FBXL13: variants seen among roughly 807,000 people sequenced by gnomAD.
The protein encoded by FBXL13 is F-box and leucine-rich repeat protein 13.
Under a neutral mutation model 83.6 loss-of-function variants are expected in FBXL13, and 67 were observed. That is an observed-to-expected ratio of 0.80 (90% CI 0.66 to 0.98). The LOEUF is 0.98. FBXL13 is among the 50% of genes least tolerant of loss of function. FBXL13 has a pLI of 0.00. For missense variants in FBXL13, 822 were observed against 866.5 expected, an observed-to-expected ratio of 0.95 and a Z score of 0.64; for synonymous variants, 272 against 299.5, an observed-to-expected ratio of 0.91 and a Z score of 0.95.
At chr7:102,973,237 C>A in intron 6 of FBXL13, 1 of 285,688 alleles carries the variant, frequency 3.5e-6, no homozygotes, top group Non-Finnish European at 6.6e-6. Context: ...CGCCCGAAAG[C>A]TTGAAGGAAT....
At chr7:102,905,984 G>C (rs1352081748) in intron 11 of FBXL13, among the ~76,000 whole-genome samples, 1 of 152,134 alleles carries the variant, frequency 6.6e-6, no homozygotes, top group Non-Finnish European at 1.5e-5. Context: ...GGTTTAATTG[G>C]ACTTACAGTT....
intron 10 of FBXL13, among the ~76,000 whole-genome samples, chr7:102,918,651 A>G (rs1010896304): frequency 1.3e-5 from 2 of 152,156 alleles, no homozygotes; most frequent in African/African-American, 4.8e-5. Context: ...TCTTGTCTCT[A>G]CAAAAGATTT....
chr7:102,995,435 C>T (rs138376160), intron 6 of FBXL13, among the ~76,000 whole-genome samples: 7,819 of 134,414 alleles, frequency 0.058, 279 homozygotes, highest in Middle Eastern at 0.16. Flanking sequence ...GAGCTGAGAT[C>T]GCACCACTGC....
intron 11 of FBXL13, 171 bp downstream of exon 12, chr7:102,912,914 TA>T: frequency 1.3e-6 from 1 of 782,712 alleles, no homozygotes; most frequent in South Asian, 2.0e-5. Flanking sequence ...GCCAAGAGCC[TA>T]TAATAGCGAT....
chr7:102,816,618 T>TA (rs1469360563), intron 19 of FBXL13, among the ~76,000 whole-genome samples: 6 of 151,974 alleles, frequency 3.9e-5, no homozygotes, highest in Admixed American at 6.6e-5. Context: ...CACGCACCTT[T>TA]AAAAAAAAAT....
intron 18 of FBXL13, among the ~76,000 whole-genome samples, chr7:102,827,758 T>C (rs1799994020): frequency 6.6e-6 from 1 of 152,100 alleles, no homozygotes; most frequent in African/African-American, 2.4e-5. Flanking sequence ...TTCCCACCTA[T>C]GAGTGAGAAC....
chr7:102,841,814 T>C (rs1195619264), intron 17 of FBXL13, among the ~76,000 whole-genome samples: 4 of 152,178 alleles, frequency 2.6e-5, no homozygotes, highest in Non-Finnish European at 5.9e-5. Flanking sequence ...CAGGAGTATG[T>C]TGTTCTATTA....
At chr7:102,894,681 A>G (rs902995623) in intron 11 of FBXL13, among the ~76,000 whole-genome samples, 1 of 151,338 alleles carries the variant, frequency 6.6e-6, no homozygotes, top group Non-Finnish European at 1.5e-5. Context: ...GTGAGCTATG[A>G]TCACACCACT....
At chr7:102,950,831 G>A (rs1039059086) in intron 8 of FBXL13, among the ~76,000 whole-genome samples, 3 of 152,134 alleles carry the variant, frequency 2.0e-5, no homozygotes, top group Admixed American at 6.5e-5. Context: ...AAAAAGATTG[G>A]TGGTTGTCAG....
rs115245242 is a variant in FBXL13 at position 103,027,493 on chromosome 7, G to A, written c.283C>T (p.Arg95Trp). ...TTACTCTTATGTCTTGCTGTATTCC[G>A]CCATTTTGTTAGGATAATGGTTAGC... The change falls in exon 5 of 20, where the codon CGG becomes TGG. Residue 95 changes from arginine (R) to tryptophan (W), a missense_variant. Arg to Trp is a moderately radical substitution (Grantham distance 101). Transcript: ENST00000313221. 8.1e-5 allele frequency: 131 copies of A among 1,612,462 alleles called. No homozygotes were observed. The African/African-American group carries it at 1.3e-3, about 17-fold the overall frequency.
At chr7:103,068,261 A>G (rs912420976) in intron 1 of FBXL13, among the ~76,000 whole-genome samples, 3 of 152,228 alleles carry the variant, frequency 2.0e-5, no homozygotes, top group African/African-American at 7.2e-5. Context: ...ATTGGTACAT[A>G]ATGAAGACAG....
chr7:102,827,580 G>A (rs1055192004), intron 18 of FBXL13, among the ~76,000 whole-genome samples: 2 of 151,570 alleles, frequency 1.3e-5, no homozygotes, highest in Non-Finnish European at 2.9e-5. Flanking sequence ...CAATGTGCAT[G>A]TTTGTTACAT....
chr7:103,030,048 G>C (rs1794342513), intron 2 of FBXL13: 2 of 152,256 alleles, frequency 1.3e-5, no homozygotes, highest in East Asian at 1.9e-4. Context: ...CATGGCTACT[G>C]TTAAGTGTTA....
intron 8 of FBXL13, chr7:102,934,111 T>C (rs1314531098): frequency 6.2e-6 from 10 of 1,613,978 alleles, no homozygotes; most frequent in African/African-American, 1.3e-5. Context: ...AATACTTAGA[T>C]TGTCAAGAAA....
intron 5 of FBXL13, among the ~76,000 whole-genome samples, chr7:103,025,473 G>A (rs1563237547): frequency 6.6e-6 from 1 of 152,134 alleles, no homozygotes; most frequent in Non-Finnish European, 1.5e-5. Context: ...ATCTTGAAAC[G>A]CTGATCTAGT....
chr7:103,038,624 C>T (rs1183861056), intron 2 of FBXL13, among the ~76,000 whole-genome samples: 2 of 152,182 alleles, frequency 1.3e-5, no homozygotes, highest in Non-Finnish European at 2.9e-5. Context: ...GAGGAAGGAT[C>T]AGGCAGCAAT....
chr7:102,813,365 T>A, exon 20 of FBXL13: 4 of 1,613,796 alleles, frequency 2.5e-6, no homozygotes, highest in Non-Finnish European at 3.4e-6. Flanking sequence ...TCTTCACTGC[T>A]GTATGTTGAC....
intron 10 of FBXL13, among the ~76,000 whole-genome samples, chr7:102,919,368 G>T (rs1179516448): frequency 6.6e-6 from 1 of 152,078 alleles, no homozygotes; most frequent in Non-Finnish European, 1.5e-5. Flanking sequence ...AATAAAATCG[G>T]ATCTAAAAAT....
intron 17 of FBXL13, among the ~76,000 whole-genome samples, chr7:102,843,754 C>T (rs1803431421): frequency 6.6e-6 from 1 of 151,946 alleles, no homozygotes; most frequent in African/African-American, 2.4e-5. Context: ...CCAGCCTGGG[C>T]GACAGAGCGA....
Sources: allele counts gnomAD v4.1 joint callset (sites outside exome capture counted in the v4.1 genomes callset), GRCh38; gene constraint gnomAD v4.1.1; transcripts MANE v1.5; gene names NCBI Gene and HGNC (gene_info 2026-07-23, HGNC 2026-07-21).